GALNT13: variants seen among roughly 807,000 people sequenced by gnomAD.
The protein encoded by GALNT13 is polypeptide N-acetylgalactosaminyltransferase 13, also known as UDP-GalNAc:polypeptide N-acetylgalactosaminyltransferase 13.
Under a neutral mutation model 64.2 loss-of-function variants are expected in GALNT13, and 28 were observed. The ratio of observed to expected loss-of-function variants is 0.44; its 90% CI spans 0.32 to 0.60. GALNT13 has a LOEUF of 0.60. Among genes scored for constraint, GALNT13 ranks in the 20% least tolerant of loss-of-function variants. The probability of loss-of-function intolerance (pLI) is 0.05; values close to 1 mark genes in which losing one functional copy is unlikely to be tolerated. For synonymous variants in GALNT13, 214 were observed against 224.6 expected (o/e 0.95, Z 0.42); for missense variants, 577 against 669.8 (o/e 0.86, Z 1.53).
At chr2:153,410,894 AAGG>A in the GALNT13 span, among the ~76,000 whole-genome samples, 1 of 151,170 alleles carries the variant, frequency 6.6e-6, no homozygotes, top group Non-Finnish European at 1.5e-5. Flanking sequence ...GAGAGAGAGA[AAGG>A]AGAGAGAGAG....
At chr2:153,474,983 A>G in the GALNT13 span, among the ~76,000 whole-genome samples, 3 of 152,108 alleles carry the variant, frequency 2.0e-5, no homozygotes, top group Non-Finnish European at 4.4e-5. Flanking sequence ...TTTCTTAGAG[A>G]ATGTCTCTGG....
At chr2:154,334,757 G>T (rs1007892803) in intron 9 of GALNT13, among the ~76,000 whole-genome samples, 1 of 151,942 alleles carries the variant, frequency 6.6e-6, no homozygotes, top group African/African-American at 2.4e-5. Flanking sequence ...AATACACCTT[G>T]CATCCTCCAA....
At chr2:154,323,418 T>G (rs1419231496) in intron 9 of GALNT13, among the ~76,000 whole-genome samples, 1 of 152,122 alleles carries the variant, frequency 6.6e-6, no homozygotes, top group East Asian at 1.9e-4. Context: ...TTTTGGTCCC[T>G]AAATAGCTTA....
the GALNT13 span, among the ~76,000 whole-genome samples, chr2:153,702,404 A>G: frequency 6.6e-6 from 1 of 152,154 alleles, no homozygotes; most frequent in South Asian, 2.1e-4. Flanking sequence ...GCAAACCACC[A>G]TGGCACACGT....
chr2:153,222,619 C>T, the GALNT13 span, among the ~76,000 whole-genome samples: 1 of 152,178 alleles, frequency 6.6e-6, no homozygotes, highest in African/African-American at 2.4e-5. Flanking sequence ...TGCCGAGGGA[C>T]ACCTGCAGGC....
At chr2:153,734,635 C>G in the GALNT13 span, among the ~76,000 whole-genome samples, 1 of 152,138 alleles carries the variant, frequency 6.6e-6, no homozygotes, top group Non-Finnish European at 1.5e-5. Flanking sequence ...GGGATGGATT[C>G]TGCCCTGTAA....
At chr2:153,289,440 T>C in the GALNT13 span, among the ~76,000 whole-genome samples, 1 of 152,324 alleles carries the variant, frequency 6.6e-6, no homozygotes, top group East Asian at 1.9e-4. Context: ...CCCCATTTTA[T>C]AGATGATAAA....
chr2:153,194,004 T>A, the GALNT13 span, among the ~76,000 whole-genome samples: 2 of 152,244 alleles, frequency 1.3e-5, no homozygotes, highest in Non-Finnish European at 2.9e-5. Context: ...CTAGACACAT[T>A]TCTTTTGTTA....
chr2:153,727,425 A>G, the GALNT13 span, among the ~76,000 whole-genome samples: 1 of 152,106 alleles, frequency 6.6e-6, no homozygotes, highest in Non-Finnish European at 1.5e-5. Context: ...TCTTTTCTAT[A>G]ATAAATAGTG....
At chr2:154,063,644 A>T (rs1440847473) in intron 3 of GALNT13, among the ~76,000 whole-genome samples, 2 of 152,202 alleles carry the variant, frequency 1.3e-5, no homozygotes, top group Non-Finnish European at 2.9e-5. Context: ...AGAGGTTGCC[A>T]CTTATCTGTA....
the GALNT13 span, among the ~76,000 whole-genome samples, chr2:153,404,310 T>C: frequency 5.9e-5 from 9 of 152,144 alleles, no homozygotes; most frequent in Non-Finnish European, 1.2e-4. Context: ...GAAGAAAGTG[T>C]GTGTTTGTGA....
intron 3 of GALNT13, among the ~76,000 whole-genome samples, chr2:154,103,551 C>G (rs1242762824): frequency 6.6e-6 from 1 of 152,074 alleles, no homozygotes; most frequent in Non-Finnish European, 1.5e-5. Context: ...AACACTTTGT[C>G]TTTTTGTACT....
the GALNT13 span, among the ~76,000 whole-genome samples, chr2:153,767,793 G>GTTTT: frequency 6.9e-6 from 1 of 145,216 alleles, no homozygotes; most frequent in African/African-American, 2.5e-5. Context: ...ACTTTTTAAT[G>GTTTT]TTTTTTTTTT....
intron 8 of GALNT13, among the ~76,000 whole-genome samples, chr2:154,278,237 C>T (rs932169507): frequency 6.6e-6 from 1 of 152,234 alleles, no homozygotes; most frequent in Non-Finnish European, 1.5e-5. Flanking sequence ...AAACTTTAAG[C>T]GTACTGTGTC....
chr2:153,449,457 T>G, the GALNT13 span, among the ~76,000 whole-genome samples: 4 of 152,184 alleles, frequency 2.6e-5, no homozygotes, highest in Non-Finnish European at 5.9e-5. Context: ...CCCATGCCTC[T>G]GGCTCCCACA....
chr2:153,593,691 T>C, the GALNT13 span, among the ~76,000 whole-genome samples: 1 of 152,116 alleles, frequency 6.6e-6, no homozygotes, highest in African/African-American at 2.4e-5. Context: ...AGGAATCACA[T>C]CTCTTTTTCT....
At chr2:154,091,005 C>A (rs1258840781) in intron 3 of GALNT13, among the ~76,000 whole-genome samples, 1 of 151,542 alleles carries the variant, frequency 6.6e-6, no homozygotes, top group Non-Finnish European at 1.5e-5. Context: ...CTCAGGAAGG[C>A]CCAATTGTTT....
chr2:154,215,777 A>G (rs2105810741), intron 4 of GALNT13, among the ~76,000 whole-genome samples: 1 of 152,212 alleles, frequency 6.6e-6, no homozygotes, highest in East Asian at 1.9e-4. Flanking sequence ...TACTTAATGA[A>G]TGCTTGGAGG....
intron 3 of GALNT13, among the ~76,000 whole-genome samples, chr2:153,997,034 T>A (rs2105207884): frequency 6.6e-6 from 1 of 152,260 alleles, no homozygotes; most frequent in African/African-American, 2.4e-5. Context: ...GGTCTTTGTG[T>A]CTGTTTTTAT....
Sources: allele counts gnomAD v4.1 joint callset (sites outside exome capture counted in the v4.1 genomes callset), GRCh38; gene constraint gnomAD v4.1.1; transcripts MANE v1.5; gene names NCBI Gene and HGNC (gene_info 2026-07-23, HGNC 2026-07-21).